The following NARS2 variants were observed in gnomAD, a reference collection of about 807,000 sequenced individuals.
NARS2 encodes the protein asparaginyl-tRNA synthetase.
A neutral mutation model predicts 62.9 loss-of-function variants in NARS2; 60 were observed. The ratio of observed to expected loss-of-function variants is 0.95; its 90% confidence interval spans 0.77 to 1.18. NARS2 has a LOEUF of 1.18. NARS2 is among the 50% of genes most tolerant of loss of function. The probability of loss-of-function intolerance (pLI) is 0.00; values close to 1 mark genes in which losing one functional copy is unlikely to be tolerated. For synonymous variants in NARS2, 196 were observed against 200.0 expected, an observed-to-expected ratio of 0.98 and a Z score of 0.17; for missense variants, 619 against 576.4, an observed-to-expected ratio of 1.07 and a Z score of -0.76.
chr11:78,535,499 A>T (rs1212788705), intron 5 of NARS2, among the ~76,000 whole-genome samples: 1 of 152,110 alleles, frequency 6.6e-6, no homozygotes, highest in Non-Finnish European at 1.5e-5. Flanking sequence ...TCATTGTCTC[A>T]CACTTCTTAT....
At chr11:78,499,195 C>T (rs1235522298) in intron 6 of NARS2, among the ~76,000 whole-genome samples, 1 of 152,124 alleles carries the variant, frequency 6.6e-6, no homozygotes, top group East Asian at 1.9e-4. Context: ...GGATTACAGG[C>T]GTGAGCCACC....
At chr11:78,494,808 A>C (rs1265779644) in intron 6 of NARS2, among the ~76,000 whole-genome samples, 2 of 152,216 alleles carry the variant, frequency 1.3e-5, no homozygotes, top group Non-Finnish European at 2.9e-5. Context: ...CCTGTTCCCC[A>C]AAACAAACAA....
chr11:78,522,923 T>A (rs556841425), intron 6 of NARS2, among the ~76,000 whole-genome samples: 10 of 152,180 alleles, frequency 6.6e-5, no homozygotes, highest in Non-Finnish European at 1.2e-4. Context: ...GCTATGCCCA[T>A]CTGGAGTACT....
intron 6 of NARS2, among the ~76,000 whole-genome samples, chr11:78,519,998 T>A (rs1216409163): frequency 6.6e-6 from 1 of 152,088 alleles, no homozygotes; most frequent in African/African-American, 2.4e-5. Context: ...CAGCTAGTTT[T>A]TGAGTTTCTT....
intron 11 of NARS2, 80 bp downstream of exon 11, chr11:78,465,796 T>C (rs1858594795): frequency 1.4e-6 from 2 of 1,457,130 alleles, no homozygotes; most frequent in Non-Finnish European, 9.5e-7. Flanking sequence ...ATAGATGACA[T>C]TTAAGAAAAG....
chr11:78,461,857 G>A (rs2135198180), intron 11 of NARS2, among the ~76,000 whole-genome samples: 2 of 152,040 alleles, frequency 1.3e-5, no homozygotes, highest in Non-Finnish European at 2.9e-5. Flanking sequence ...GGAGGCTGAG[G>A]CAGGAGAATT....
intron 5 of NARS2, among the ~76,000 whole-genome samples, chr11:78,544,795 C>CAAAAAAA (rs35180232): frequency 4.1e-4 from 26 of 63,260 alleles, no homozygotes; most frequent in African/African-American, 1.5e-3. Context: ...CTCCGTCTCA[C>CAAAAAAA]AAAAAAAAAA....
At chr11:78,446,402 C>A (rs1322125311) in intron 11 of NARS2, among the ~76,000 whole-genome samples, 1 of 152,224 alleles carries the variant, frequency 6.6e-6, no homozygotes, top group Non-Finnish European at 1.5e-5. Flanking sequence ...CAGGACCCTG[C>A]AGTTATCCCT....
chr11:78,523,054 T>C (rs142688449), intron 6 of NARS2, among the ~76,000 whole-genome samples: 1 of 152,190 alleles, frequency 6.6e-6, no homozygotes, highest in African/African-American at 2.4e-5. Flanking sequence ...AGGACTTGTA[T>C]GCAGAATATA....
intron 7 of NARS2, among the ~76,000 whole-genome samples, chr11:78,491,519 C>A (rs992272466): frequency 6.6e-6 from 1 of 152,228 alleles, no homozygotes; most frequent in South Asian, 2.1e-4. Context: ...AAGGTTATGC[C>A]CCTTCCAGTG....
chr11:78,484,547 AAAAC>A (rs1469007350), intron 7 of NARS2, among the ~76,000 whole-genome samples: 1 of 152,202 alleles, frequency 6.6e-6, no homozygotes, highest in African/African-American at 2.4e-5. Context: ...TTACAAGAAA[AAAAC>A]AAACAACCTC....
chr11:78,567,551 T>TA (rs1223869738), intron 3 of NARS2, among the ~76,000 whole-genome samples: 13 of 151,834 alleles, frequency 8.6e-5, no homozygotes, highest in Middle Eastern at 3.4e-3. Flanking sequence ...CAGATCCCTC[T>TA]AAAAAAAACA....
intron 5 of NARS2, among the ~76,000 whole-genome samples, chr11:78,534,503 T>A (rs10899540): frequency 0.68 from 104,022 of 152,036 alleles, 37,384 homozygotes; most frequent in Non-Finnish European, 0.81. Context: ...ACATGGGGAA[T>A]GTTCTGTAAG....
chr11:78,531,493 A>G (rs562282798), intron 5 of NARS2, among the ~76,000 whole-genome samples: 1 of 152,340 alleles, frequency 6.6e-6, no homozygotes, highest in Non-Finnish European at 1.5e-5. Flanking sequence ...TGGCACAGTA[A>G]TTCCATTCCT....
At chr11:78,573,101 T>A (rs1170840657) in intron 1 of NARS2, 2 of 152,090 alleles carry the variant, frequency 1.3e-5, no homozygotes, top group Non-Finnish European at 2.9e-5. Flanking sequence ...ATGGAAAGAA[T>A]ATGGAACTCA....
At chr11:78,475,580 C>CTTTTTTTTTTT (rs377023107) in intron 9 of NARS2, among the ~76,000 whole-genome samples, 1 of 93,978 alleles carries the variant, frequency 1.1e-5, no homozygotes, top group Non-Finnish European at 2.1e-5. Context: ...TATCATTTGA[C>CTTTTTTTTTTT]TTTTTTTTTT....
intron 11 of NARS2, among the ~76,000 whole-genome samples, chr11:78,460,771 G>GAAGT (rs1858364367): frequency 6.6e-6 from 1 of 152,160 alleles, no homozygotes; most frequent in Non-Finnish European, 1.5e-5. Flanking sequence ...TATGTAAATG[G>GAAGT]CAGTCAATGA....
chr11:78,548,637 T>C (rs1240989662), intron 5 of NARS2, among the ~76,000 whole-genome samples: 5 of 152,306 alleles, frequency 3.3e-5, no homozygotes, highest in Middle Eastern at 3.4e-3. Flanking sequence ...CCGATAAGAA[T>C]AGTGTTCTTC....
chr11:78,511,649 G>A (rs760331874), intron 6 of NARS2, among the ~76,000 whole-genome samples: 6 of 151,962 alleles, frequency 3.9e-5, no homozygotes, highest in South Asian at 2.1e-4. Flanking sequence ...TCCCGGAGGC[G>A]GAGCTTGCAG....
Sources: allele counts gnomAD v4.1 joint callset (sites outside exome capture counted in the v4.1 genomes callset), GRCh38; gene constraint gnomAD v4.1.1; transcripts MANE v1.5; gene names NCBI Gene and HGNC (gene_info 2026-07-23, HGNC 2026-07-21).